PPM1F: variants seen among roughly 807,000 people sequenced by gnomAD.
PPM1F encodes protein phosphatase, Mg2+/Mn2+ dependent 1F.
In PPM1F, 17 loss-of-function variants were observed where a neutral mutation model predicts 35.5. The observed-to-expected ratio is 0.48, with a 90% confidence interval of 0.33 to 0.72. PPM1F has a LOEUF of 0.72. Among genes scored for constraint, PPM1F ranks in the 30% least tolerant of loss-of-function variants. PPM1F has a pLI of 0.02. For missense variants in PPM1F, 521 were observed against 613.0 expected (o/e 0.85, Z 1.59); for synonymous variants, 241 against 255.5 (o/e 0.94, Z 0.54).
intron 1 of PPM1F, chr22:21,950,283 T>G (rs573220260): frequency 1.3e-5 from 2 of 152,258 alleles, no homozygotes; most frequent in South Asian, 4.2e-4. Context: ...CCTCCCGAGA[T>G]CTCTCAGATC....
At chr22:21,949,826 C>G (rs145083503) in intron 1 of PPM1F, 2 of 152,416 alleles carry the variant, frequency 1.3e-5, no homozygotes, top group African/African-American at 4.8e-5. Context: ...CCACTGCACA[C>G]CAAATGGGTG....
chr22:21,935,051 T>C (rs766799376), intron 3 of PPM1F: 1 of 152,148 alleles, frequency 6.6e-6, no homozygotes, highest in Non-Finnish European at 1.5e-5. Context: ...CTTGAACACA[T>C]GAACACAAAT....
intron 1 of PPM1F, chr22:21,949,120 T>C (rs1466260861): frequency 6.6e-6 from 1 of 152,528 alleles, no homozygotes; most frequent in East Asian, 1.9e-4. Flanking sequence ...CCATGTGTAC[T>C]AAGTAAGGTC....
At chr22:21,924,094 C>T (rs1006096808) in intron 7 of PPM1F, among the ~76,000 whole-genome samples, 3 of 152,036 alleles carry the variant, frequency 2.0e-5, no homozygotes, top group Admixed American at 1.3e-4. Flanking sequence ...CAAGAAGGTG[C>T]CACATCTGCC....
chr22:21,934,312 G>GCTTTGCAGGCC, intron 3 of PPM1F, 86 bp from the exon 4 acceptor site: 2 of 1,153,466 alleles, frequency 1.7e-6, no homozygotes, highest in Non-Finnish European at 2.5e-6. Flanking sequence ...TCCCACAGGG[G>GCTTTGCAGGCC]CCTGCAAAGC....
chr22:21,939,791 C>A lies in PPM1F; in HGVS notation c.207-111G>T. On this transcript the variant is annotated intron_variant, in intron 2 of 7. Coordinates refer to ENST00000263212, the MANE Select transcript of PPM1F (RefSeq NM_014634.4). The surrounding 1 kb of genome is among the most constrained non-coding windows in gnomAD (Gnocchi z 5.1). ...TGAGGGGTCACGGCCAGCAGGGCGG[C>A]CCCTGTCCTCAGGGAGCTGGGACAG... The A allele has an allele frequency of 4.6e-6, 6 of 1,302,562 alleles. No homozygotes were observed. In the South Asian group the frequency reaches 8.3e-5, roughly 18 times the overall value. The allele number at this position is 1,302,562 out of a possible 1,614,324, so 80.7% of individuals were successfully genotyped here.
intron 3 of PPM1F, 190 bp from the exon 4 acceptor site, chr22:21,934,416 T>A: frequency 3.5e-6 from 2 of 576,874 alleles, no homozygotes; most frequent in Non-Finnish European, 6.1e-6. Flanking sequence ...GTTTGGCAAC[T>A]TGCCCCTTGA....
In PPM1F at chr22:21,923,105, G is replaced by A. The variant is rs2070466071; in HGVS notation, c.1352C>T (p.Pro451Leu). ...CCTGGAAACCACCTAGCTTCTTGGT[G>A]GAGCCTGGGTCTCAGGTTCTGGAAG... ...SSLPEPETQAPPRS is the reference protein window; with the variant it reads ...SSLPEPETQALPRS The change falls in exon 8 of 8, where the codon CCA (proline) becomes CTA (leucine). Residue 451 changes from proline to leucine, a missense_variant. Around this residue, in one of 3 missense-constraint regions of PPM1F, gnomAD observed 163 missense variants for 169.6 expected, o/e 0.96. Coordinates refer to ENST00000263212, the MANE Select transcript of PPM1F (RefSeq NM_014634.4). 1 of 1,603,610 alleles carries A rather than the reference G, an allele frequency of 6.2e-7. No individual in the cohort carries two copies. Among genetic ancestry groups the A allele is most frequent in the Non-Finnish European group, 8.5e-7 (1 of 1,175,496 alleles).
intron 1 of PPM1F, chr22:21,951,345 T>A (rs1601796369): frequency 7.2e-6 from 1 of 139,606 alleles, no homozygotes; most frequent in East Asian, 2.1e-4. Flanking sequence ...GGTCAGATGG[T>A]ATCCTTTTTT....
At chr22:21,925,429 G>A (rs747332400) in intron 7 of PPM1F, 140 bp downstream of exon 7, 23 of 664,132 alleles carry the variant, frequency 3.5e-5, no homozygotes, top group Non-Finnish European at 6.0e-5. Flanking sequence ...CACACTACGA[G>A]GGTATCACCC....
chr22:21,928,985 GA>G (rs1289046228), intron 6 of PPM1F, among the ~76,000 whole-genome samples: 5 of 152,174 alleles, frequency 3.3e-5, no homozygotes, highest in African/African-American at 1.2e-4. Flanking sequence ...AGGCTGAACT[GA>G]GTGCAGAGGC....
intron 5 of PPM1F, 42 bp from the exon 6 acceptor site, chr22:21,931,333 G>C (rs774469562): frequency 6.3e-7 from 1 of 1,586,980 alleles, no homozygotes; most frequent in Non-Finnish European, 8.6e-7. Context: ...AGGAGGTAGG[G>C]AAGGGCAGAG....
rs1313237928 is a variant in PPM1F, at chr22:21,939,340, T to C, written c.355+192A>G. On this transcript the variant is annotated intron_variant, in intron 3 of 7. Coordinates refer to ENST00000263212, the MANE Select transcript of PPM1F (RefSeq NM_014634.4). This position sits in a 1 kb window ranked among gnomAD's most constrained non-coding sequence, Gnocchi z 5.1. ...TGGGCTGACTGGGAACTATATGACC[T>C]GTGGAGGGCTGTGACCGCCACCCTC... 7 of 681,952 alleles carry C rather than the reference T, an allele frequency of 1.0e-5. No individual in the cohort carries two copies. In the South Asian group the frequency reaches 1.2e-4, roughly 11 times the overall value. The allele number at this position is 681,952 out of a possible 1,614,324, so 42.2% of individuals were successfully genotyped here. A position where few individuals can be genotyped will look rare whatever the true frequency, so the allele number is the denominator to read the frequency against.
rs532910881 is a variant in PPM1F, at chr22:21,942,854, A to G, written c.206+2989T>C. 2.0e-5 allele frequency: 3 copies of G among 152,400 alleles called. No homozygotes were observed. The South Asian group carries it at 6.2e-4, about 32-fold the overall frequency. 9.4% of individuals were successfully genotyped at this position (152,400 alleles called of 1,614,324 possible). A position where few individuals can be genotyped will look rare whatever the true frequency, so the allele number is the denominator to read the frequency against. ...GTCCCTGCAGAGCAGGCTCCTACACAAGGCAAGAAGATGCTCCAGGGACAA... is the reference window on the plus strand; with the variant it reads ...GTCCCTGCAGAGCAGGCTCCTACACGAGGCAAGAAGATGCTCCAGGGACAA... On this transcript the variant is annotated intron_variant, in intron 2 of 7. Coordinates refer to ENST00000263212, the MANE Select transcript of PPM1F (RefSeq NM_014634.4).
chr22:21,931,325 G>A, intron 5 of PPM1F, 34 bp from the exon 6 acceptor site: 2 of 1,595,100 alleles, frequency 1.3e-6, no homozygotes, highest in Non-Finnish European at 1.7e-6. Flanking sequence ...GAGTTGAGAG[G>A]AGGTAGGGAA....
intron 4 of PPM1F, 77 bp from the exon 5 acceptor site, chr22:21,933,656 T>C: frequency 7.5e-7 from 1 of 1,332,130 alleles, no homozygotes; most frequent in Non-Finnish European, 1.1e-6. Flanking sequence ...CAGGCACTGA[T>C]GGGGTAGAGT....
At chr22:21,923,855 T>G (rs2070478669) in intron 7 of PPM1F, among the ~76,000 whole-genome samples, 1 of 151,574 alleles carries the variant, frequency 6.6e-6, no homozygotes. Flanking sequence ...TTGTTTTTTT[T>G]TTTTTTTGTA....
At chr22:21,926,762 T>G (rs957348690) in intron 6 of PPM1F, among the ~76,000 whole-genome samples, 1 of 152,152 alleles carries the variant, frequency 6.6e-6, no homozygotes, top group African/African-American at 2.4e-5. Flanking sequence ...GCACCAGCCC[T>G]TCTAGTCCCC....
intron 2 of PPM1F, chr22:21,944,807 C>T (rs951398192): frequency 1.1e-4 from 16 of 152,246 alleles, no homozygotes; most frequent in African/African-American, 3.9e-4. Context: ...AAGGAAAGGA[C>T]CTCTGAGTTC....
Sources: gnomAD v4.1 joint callset for allele counts (sites outside exome capture counted in the v4.1 genomes callset) on GRCh38, gnomAD v4.1.1 for gene constraint, gnomAD v4.1.1 regional missense constraint, Gnocchi (gnomAD v3.1) non-coding constraint, MANE v1.5 for transcripts, NCBI Gene and HGNC (gene_info 2026-07-23, HGNC 2026-07-21) for gene names.